CIITA: variants seen among roughly 807,000 people sequenced by gnomAD.
CIITA encodes MHC class II transactivator.
In CIITA, 72 loss-of-function variants were observed where a neutral mutation model predicts 115.1. The observed-to-expected ratio is 0.63, with a 90% CI of 0.52 to 0.76. CIITA has a LOEUF of 0.76. Among genes scored for constraint, CIITA ranks in the 30% least tolerant of loss-of-function variants. The pLI is 0.00. For missense variants in CIITA, 1,617 were observed against 1,463.8 expected (o/e 1.10, Z -1.71); for synonymous variants, 763 against 635.6 (o/e 1.20, Z -3.02).
upstream of CIITA, among the ~76,000 whole-genome samples, chr16:10,874,694 A>T (rs2035709436): frequency 6.6e-6 from 1 of 152,236 alleles, no homozygotes; most frequent in Non-Finnish European, 1.5e-5. Context: ...GATGTAGATG[A>T]GGAAGGTGGT....
In CIITA at chr16:10,915,438, G is replaced by C; in HGVS notation, c.2889-132G>C. The C allele has an allele frequency of 9.4e-6, 7 of 742,290 alleles. No individual in the cohort carries two copies. The South Asian group carries it at 1.0e-4, about 11-fold the overall frequency. 46.0% of individuals were successfully genotyped at this position (742,290 alleles called of 1,614,324 possible). A position where few individuals can be genotyped will look rare whatever the true frequency, so the allele number is the denominator to read the frequency against. ...TGGAAGGGTTGCAGGGACCTAAGAG[G>C]CTGGGGTGGAAGGGAAGAGGAGGGG... On this transcript the variant is annotated intron_variant, in intron 13 of 19. Transcript: ENST00000324288.
chr16:10,899,085 C>A, intron 5 of CIITA, 83 bp downstream of exon 5: 3 of 1,348,392 alleles, frequency 2.2e-6, no homozygotes, highest in Non-Finnish European at 3.2e-6. Context: ...GTGGGTCCAA[C>A]TTGCTTCCCT....
intron 2 of CIITA, 118 bp downstream of exon 2, chr16:10,895,546 A>T (rs2038041456): frequency 6.4e-7 from 1 of 1,560,210 alleles, no homozygotes; most frequent in South Asian, 1.1e-5. Context: ...GACAGCTCCC[A>T]CGTCTGTGGG....
chr16:10,922,739 C>A (rs1243883823), intron 18 of CIITA, among the ~76,000 whole-genome samples: 1 of 152,210 alleles, frequency 6.6e-6, no homozygotes, highest in Non-Finnish European at 1.5e-5. Context: ...GTAGCTGGCA[C>A]ACAAAAATGC....
At chr16:10,913,942 A>AAAATAAATAAATAAATAAATAAATAAAT (rs59779472) in intron 13 of CIITA, among the ~76,000 whole-genome samples, 141 of 133,166 alleles carry the variant, frequency 1.1e-3, no homozygotes, top group African/African-American at 2.7e-3. Flanking sequence ...CCCCATCTCA[A>AAAATAAATAAATAAATAAATAAATAAAT]AAATAAATAA....
At chr16:10,868,858 G>C (rs906475965) in intron 1 of CIITA, among the ~76,000 whole-genome samples, 1 of 152,164 alleles carries the variant, frequency 6.6e-6, no homozygotes, top group Non-Finnish European at 1.5e-5. Context: ...TGTGGTCTTC[G>C]GGGAGCTGGG....
chr16:10,899,096 C>A (rs2144421839), intron 5 of CIITA, 94 bp downstream of exon 5: 1 of 1,211,368 alleles, frequency 8.3e-7, no homozygotes, highest in Non-Finnish European at 1.2e-6. Context: ...TTGCTTCCCT[C>A]GCTAAGTCCT....
chr16:10,868,610 C>T (rs924635437), intron 1 of CIITA, among the ~76,000 whole-genome samples: 2 of 152,180 alleles, frequency 1.3e-5, no homozygotes, highest in Non-Finnish European at 2.9e-5. Flanking sequence ...CCAGTGTGGT[C>T]TTGATGGTGG....
At chr16:10,872,327 T>A (rs542385191), upstream of CIITA, among the ~76,000 whole-genome samples, 83 of 152,312 alleles carry the variant, frequency 5.4e-4, no homozygotes, top group Non-Finnish European at 7.2e-4. Context: ...TTCATCATGT[T>A]GGCCAGGCTG....
chr16:10,872,968 T>A (rs180741359), upstream of CIITA, among the ~76,000 whole-genome samples: 1 of 152,308 alleles, frequency 6.6e-6, no homozygotes, highest in Admixed American at 6.5e-5. Context: ...TATCTTCTAT[T>A]TTATTATTTT....
At position 10,922,227 on chromosome 16, in the gene CIITA, C is replaced by T; in HGVS notation, c.3210C>T (p.Asp1070=). 3.7e-6 allele frequency: 6 copies of T among 1,614,234 alleles called. No individual in the cohort carries two copies. The highest frequency in any genetic ancestry group is 5.1e-6 in the Non-Finnish European group (6 of 1,180,036). Residue 1070 remains aspartate, a synonymous_variant, in exon 17 of 20, where the codon GAC becomes GAT. Coordinates refer to ENST00000324288, the MANE Select transcript of CIITA (RefSeq NM_000246.4). The part of the protein sequence containing the change: ...GAESLARVLP[D]MVSLRVMDVQ... ...AGAGCTTGGCTCGTGTGCTTCCGGA[C>T]ATGGTGTCCCTCCGGGTGATGGAGT...
chr16:10,902,007 C>T, intron 6 of CIITA, 31 bp from the exon 7 acceptor site: 1 of 1,613,330 alleles, frequency 6.2e-7, no homozygotes, highest in African/African-American at 1.3e-5. Flanking sequence ...CTCCAAGCAC[C>T]CAGTCTCTAA....
intron 1 of CIITA, among the ~76,000 whole-genome samples, chr16:10,893,568 G>A (rs1245919981): frequency 6.6e-6 from 1 of 152,066 alleles, no homozygotes; most frequent in African/African-American, 2.4e-5. Flanking sequence ...CACTTTGGGA[G>A]GCCGAGGAGA....
At position 10,922,381 on chromosome 16, in the gene CIITA, G is replaced by A. The variant is rs371307333; in HGVS notation, c.3234-26G>A. ...GGAGCTGGGGAGTCCCAAGGGCCAG[G>A]CCCCAAGGTGAGTTTCTCTTGCCAG... On this transcript the variant is annotated intron_variant, in intron 17 of 19. Transcript: ENST00000324288. 6.8e-6 allele frequency: 11 copies of A among 1,613,964 alleles called. No homozygotes were observed. In the African/African-American group the frequency reaches 1.3e-4, roughly 20 times the overall value.
chr16:10,907,056 C>T lies in CIITA; in HGVS notation c.1564C>T (p.Pro522Ser), dbSNP rs770802808. The T allele has an allele frequency of 6.2e-7, 1 of 1,607,206 alleles. No individual in the cohort carries two copies. The highest frequency in any genetic ancestry group is 1.7e-5 in the Admixed American group (1 of 59,998). Residue 522 changes from proline (P) to serine (S), a missense_variant, in exon 11 of 20, where the codon CCC becomes TCC. Coordinates refer to ENST00000324288, the MANE Select transcript of CIITA (RefSeq NM_000246.4). The surrounding 1 kb of genome is among the most constrained non-coding windows in gnomAD (Gnocchi z 5.0). Reference sequence around the variant, plus strand: ...CACGTGCGGACCGGCACCGGCGGAGCCCTGCTCCCTCCGGGGGCTGCTGGC... The same window carrying T: ...CACGTGCGGACCGGCACCGGCGGAGTCCTGCTCCCTCCGGGGGCTGCTGGC... The part of the protein sequence containing the change: ...HSTCGPAPAE[P>S]CSLRGLLAGL...
At chr16:10,911,190 TTTTC>T (rs968693458) in intron 13 of CIITA, among the ~76,000 whole-genome samples, 17 of 111,872 alleles carry the variant, frequency 1.5e-4, no homozygotes, top group Non-Finnish European at 2.0e-4. Context: ...AGAATATAGC[TTTTC>T]TTTCTTTCTT....
At chr16:10,877,083 T>C (rs1944783943), upstream of CIITA, 1 of 604,820 alleles carries the variant, frequency 1.7e-6, no homozygotes, top group African/African-American at 1.8e-5. Context: ...TTAGAGGGTG[T>C]TCAGAAACAG....
intron 5 of CIITA, 94 bp downstream of exon 5, chr16:10,899,096 C>T: frequency 8.3e-6 from 10 of 1,211,254 alleles, no homozygotes; most frequent in East Asian, 2.4e-5. Flanking sequence ...TTGCTTCCCT[C>T]GCTAAGTCCT....
chr16:10,881,110 C>T (rs1596439698), intron 1 of CIITA, among the ~76,000 whole-genome samples: 1 of 152,110 alleles, frequency 6.6e-6, no homozygotes, highest in East Asian at 1.9e-4. Context: ...CCCAACTCTA[C>T]TAAAACACTT....
Sources: allele counts gnomAD v4.1 joint callset (sites outside exome capture counted in the v4.1 genomes callset), GRCh38; gene constraint gnomAD v4.1.1; non-coding constraint Gnocchi (gnomAD v3.1); transcripts MANE v1.5; gene names NCBI Gene and HGNC (gene_info 2026-07-23, HGNC 2026-07-21).